RNF41: variants seen among roughly 807,000 people sequenced by gnomAD.
RNF41 encodes the protein E3 ubiquitin-protein ligase NRDP1.
In RNF41, 4 loss-of-function variants were observed where a neutral mutation model predicts 33.0. The ratio of observed to expected loss-of-function variants is 0.12; its 90% CI spans 0.06 to 0.28. RNF41 has a LOEUF of 0.28. Among genes scored for constraint, RNF41 ranks in the 10% least tolerant of loss-of-function variants. RNF41 has a pLI of 1.00. For synonymous variants in RNF41, 164 were observed against 153.2 expected (o/e 1.07, Z -0.52); for missense variants, 228 against 432.6 (o/e 0.53, Z 4.19).
intron 6 of RNF41, chr12:56,207,334 A>G (rs1868289314): frequency 1.5e-6 from 2 of 1,307,362 alleles, no homozygotes; most frequent in African/African-American, 1.5e-5. Flanking sequence ...GATATCTTCT[A>G]TTTCTTTTTG....
intron 2 of RNF41, among the ~76,000 whole-genome samples, chr12:56,214,948 C>A (rs1010642310): frequency 1.3e-5 from 2 of 152,138 alleles, no homozygotes; most frequent in African/African-American, 4.8e-5. Flanking sequence ...GGACAAGAGA[C>A]ATGAATACCT....
chr12:56,206,621 G>A lies in RNF41; in HGVS notation c.780C>T (p.Ala260=). 2 of 1,614,128 alleles carry A rather than the reference G, an allele frequency of 1.2e-6. No homozygotes were observed. The highest frequency in any genetic ancestry group is 1.7e-6 in the Non-Finnish European group (2 of 1,180,018). ...GGTTCATCTGTCTAGTCTCTAGTGT[G>A]GCCAGACCCTGGGGCCAGCTACGCT... ...AHERSWPQGL[A]TLETRQMNRR... is the part of the protein sequence containing the mutation. Residue 260 remains alanine, a synonymous_variant, in exon 7 of 7, where the codon GCC becomes GCT. Coordinates refer to ENST00000345093, the MANE Select transcript of RNF41 (RefSeq NM_005785.4). The surrounding 1 kb of genome is among the most constrained non-coding windows in gnomAD (Gnocchi z 5.7).
At chr12:56,212,006 G>A (rs928242074) in intron 3 of RNF41, among the ~76,000 whole-genome samples, 8 of 148,234 alleles carry the variant, frequency 5.4e-5, no homozygotes, top group African/African-American at 1.2e-4. Context: ...AAATAAGGCC[G>A]GGCATGGTGG....
At chr12:56,219,191 A>ATTTT (rs1234168106) in intron 1 of RNF41, among the ~76,000 whole-genome samples, 11 of 143,622 alleles carry the variant, frequency 7.7e-5, no homozygotes, top group East Asian at 2.0e-4. Flanking sequence ...TTATTTATTT[A>ATTTT]TTTATTTATT....
chr12:56,210,758 CT>C (rs1373126817), intron 3 of RNF41, among the ~76,000 whole-genome samples, 190 bp from the exon 4 acceptor site: 2 of 152,168 alleles, frequency 1.3e-5, no homozygotes, highest in Non-Finnish European at 2.9e-5. Context: ...GATACGTTTC[CT>C]GCTGGGCACG....
In RNF41 at chr12:56,206,044, A is replaced by C; in HGVS notation, c.*403T>G. On this transcript the variant is annotated 3_prime_UTR_variant, in exon 7 of 7. Coordinates refer to ENST00000345093, the MANE Select transcript of RNF41 (RefSeq NM_005785.4). The surrounding 1 kb of genome is among the most constrained non-coding windows in gnomAD (Gnocchi z 5.7). ...TCAGGATGTCTGCTGCTTAGAGTCA[A>C]CAGGCCTGACTGCTCTGATTCCCTG... The C allele has an allele frequency of 5.6e-6, 1 of 178,640 alleles. No homozygotes were observed. The highest frequency in any genetic ancestry group is 1.3e-4 in the South Asian group (1 of 7,998). The allele number at this position is 178,640 out of a possible 1,614,324, so 11.1% of individuals were successfully genotyped here.
intron 1 of RNF41, among the ~76,000 whole-genome samples, chr12:56,221,110 C>T (rs1021221804): frequency 6.6e-6 from 1 of 152,202 alleles, no homozygotes; most frequent in African/African-American, 2.4e-5. Context: ...GCCTTCACCC[C>T]TCCTGGCTTT....
At chr12:56,208,359 G>C in intron 4 of RNF41, 61 bp from the exon 5 acceptor site, 2 of 1,578,020 alleles carry the variant, frequency 1.3e-6, no homozygotes, top group Non-Finnish European at 1.7e-6. Context: ...GTATGCAAAT[G>C]GCCTATTCTG....
chr12:56,207,438 TC>T, intron 6 of RNF41: 1 of 763,022 alleles, frequency 1.3e-6, no homozygotes, highest in Non-Finnish European at 2.2e-6. Context: ...AGGCTTTCCC[TC>T]CATCCACCCA....
intron 2 of RNF41, among the ~76,000 whole-genome samples, chr12:56,215,687 C>T (rs964577987): frequency 4.4e-5 from 6 of 135,572 alleles, no homozygotes; most frequent in African/African-American, 1.7e-4. Flanking sequence ...CCACTGTATT[C>T]TAGCCCAGTG....
rs754458751 is a variant in RNF41 at position 56,210,401 on chromosome 12, A to T, written c.258T>A (p.Ala86=). 1 of 1,614,206 alleles carries T rather than the reference A, an allele frequency of 6.2e-7. No homozygotes were observed. The highest frequency in any genetic ancestry group is 1.1e-5 in the South Asian group (1 of 91,088). The change falls in exon 4 of 7, where the codon GCT becomes GCA. Residue 86 remains alanine, a synonymous_variant. Coordinates refer to ENST00000345093, the MANE Select transcript of RNF41 (RefSeq NM_005785.4). ...LSKLQIACDN[A]VFGCSAVVRL... is the part of the protein sequence containing the mutation. ...GGACAACGGCACTACAGCCGAACAC[A>T]GCGTTGTCACAGGCAATCTGCAGCT... is the stretch of plus-strand genomic sequence containing the variant.
chr12:56,207,897 A>G, intron 5 of RNF41, 148 bp from the exon 6 acceptor site: 1 of 760,500 alleles, frequency 1.3e-6, no homozygotes, highest in South Asian at 1.5e-5. Context: ...TGTCTCACTC[A>G]CAGCTGTCTC....
chr12:56,214,920 A>G (rs1264794707), intron 2 of RNF41, among the ~76,000 whole-genome samples: 1 of 152,222 alleles, frequency 6.6e-6, no homozygotes, highest in East Asian at 1.9e-4. Context: ...TACTCAGAGT[A>G]GAGACAGGAC....
rs575402876 is a variant in RNF41, at chr12:56,220,060, T to A, written c.-209+1700A>T. 3.3e-5 allele frequency among the ~76,000 whole-genome samples: 4 copies of A among 120,884 alleles called. No individual in the cohort carries two copies. In the East Asian group the frequency reaches 7.5e-4, roughly 23 times the overall value. The allele number at this position is 120,884 out of a possible 152,430, so 79.3% of individuals were successfully genotyped here. ...AAATAAATAAATAAATAAATAAATA[T>A]GAAAGGATACTGAATACTGTTATCC... On this transcript the variant is annotated intron_variant, in intron 1 of 6. Coordinates refer to ENST00000345093, the MANE Select transcript of RNF41 (RefSeq NM_005785.4).
Position 56,205,681 on chromosome 12 carries a change from T to C in RNF41, c.*766A>G, listed in dbSNP as rs1009767573. 6.6e-6 allele frequency: 1 copy of C among 152,506 alleles called. No homozygotes were observed. Among genetic ancestry groups the C allele is most frequent in the Non-Finnish European group, 1.5e-5 (1 of 68,052 alleles). 9.4% of individuals were successfully genotyped at this position (152,506 alleles called of 1,614,324 possible). ...GCTAGAGAGGGGTCTATGGAACAAT[T>C]ATGGCCTGTGCCACAAGAGGCAGTG... On this transcript the variant is annotated 3_prime_UTR_variant, in exon 7 of 7. Coordinates refer to ENST00000345093, the MANE Select transcript of RNF41 (RefSeq NM_005785.4).
In RNF41 at chr12:56,218,734, T is replaced by G. The variant is rs969638854; in HGVS notation, c.-208-2121A>C. On this transcript the variant is annotated intron_variant, in intron 1 of 6. Coordinates refer to ENST00000345093, the MANE Select transcript of RNF41 (RefSeq NM_005785.4). ...GTTATTTTTTTTTTGAGACAAAGTG[T>G]TGCTCTGTCGCCAGGCTGGAGTACA... Among the ~76,000 whole-genome samples the G allele has an allele frequency of 3.3e-5, 5 of 150,580 alleles. No individual in the cohort carries two copies. In the East Asian group the frequency reaches 9.7e-4, roughly 29 times the overall value.
Position 56,217,057 on chromosome 12 carries a change from G to A in RNF41, c.-208-444C>T, listed in dbSNP as rs949895340. On this transcript the variant is annotated intron_variant, in intron 1 of 6. Transcript: ENST00000345093. The stretch of plus-strand genomic sequence containing the variant: ...CGGGAGGCTGAGGCAGGAGAATGGC[G>A]TGAACCTAGGAGCTGCAGCTTGCAG... Among the ~76,000 whole-genome samples, 8 of 151,184 alleles carry A rather than the reference G, an allele frequency of 5.3e-5. 1 individual carries two copies. The highest frequency in any genetic ancestry group is 2.1e-4 in the South Asian group (1 of 4,752).
At position 56,205,571 on chromosome 12, in the gene RNF41, G is replaced by GT. The variant is rs1868253078; in HGVS notation, c.*875_*876insA. The GT allele has an allele frequency of 6.7e-6, 1 of 148,252 alleles. No homozygotes were observed. The allele number at this position is 148,252 out of a possible 1,614,324, so 9.2% of individuals were successfully genotyped here. On this transcript the variant is annotated 3_prime_UTR_variant, in exon 7 of 7. Coordinates refer to ENST00000345093, the MANE Select transcript of RNF41 (RefSeq NM_005785.4). Reference sequence around the variant, plus strand: ...ATCAGGCCATTCTTAAAAAAAAGAGGGGGGGGGGCAGTAGGTGGAGTTTGT... The same window carrying GT: ...ATCAGGCCATTCTTAAAAAAAAGAGGTGGGGGGGGCAGTAGGTGGAGTTTGT...
intron 4 of RNF41, 37 bp downstream of exon 4, chr12:56,210,260 C>T (rs750231854): frequency 6.2e-7 from 1 of 1,600,096 alleles, no homozygotes; most frequent in Non-Finnish European, 8.6e-7. Context: ...AATGAGATGG[C>T]CCTTATCCAT....
Sources: gnomAD v4.1 joint callset for allele counts (sites outside exome capture counted in the v4.1 genomes callset) on GRCh38, gnomAD v4.1.1 for gene constraint, Gnocchi (gnomAD v3.1) non-coding constraint, MANE v1.5 for transcripts, NCBI Gene and HGNC (gene_info 2026-07-23, HGNC 2026-07-21) for gene names.